HTR1F: variants seen among roughly 807,000 people sequenced by gnomAD.
The protein encoded by HTR1F is 5-hydroxytryptamine receptor 1F.
In HTR1F, 17 loss-of-function variants were observed where a neutral mutation model predicts 24.0. The ratio of observed to expected loss-of-function variants is 0.71; its 90% CI spans 0.48 to 1.06. HTR1F has a LOEUF of 1.06. HTR1F is among the 50% of genes least tolerant of loss of function. The probability of loss-of-function intolerance (pLI) is 0.00; values close to 1 mark genes in which losing one functional copy is unlikely to be tolerated. For synonymous variants in HTR1F, 186 were observed against 156.8 expected, an observed-to-expected ratio of 1.19 and a Z score of -1.39; for missense variants, 391 against 427.8, an observed-to-expected ratio of 0.91 and a Z score of 0.76.
chr3:87,929,357 G>A (rs994372894), intron 2 of HTR1F, among the ~76,000 whole-genome samples: 2 of 152,122 alleles, frequency 1.3e-5, no homozygotes, highest in Non-Finnish European at 2.9e-5. Context: ...ACCATACAAC[G>A]TATATGGCAA....
At chr3:87,958,777 C>T (rs1704999672) in intron 2 of HTR1F, among the ~76,000 whole-genome samples, 1 of 151,612 alleles carries the variant, frequency 6.6e-6, no homozygotes, top group Non-Finnish European at 1.5e-5. Flanking sequence ...ATCTCTCTTG[C>T]CAATCTGATT....
chr3:87,978,890 G>T (rs796190723), intron 2 of HTR1F, among the ~76,000 whole-genome samples: 27 of 46,164 alleles, frequency 5.8e-4, no homozygotes, highest in Admixed American at 1.4e-3. Context: ...GGGAGGGAGG[G>T]AGGAAGGAAG....
intron 1 of HTR1F, among the ~76,000 whole-genome samples, chr3:87,818,952 T>C (rs1704302469): frequency 6.6e-6 from 1 of 152,164 alleles, no homozygotes; most frequent in African/African-American, 2.4e-5. Context: ...AATAAACATA[T>C]ATTGCATACC....
intron 1 of HTR1F, among the ~76,000 whole-genome samples, chr3:87,794,105 G>A (rs1307865122): frequency 6.6e-6 from 1 of 152,062 alleles, no homozygotes; most frequent in African/African-American, 2.4e-5. Context: ...TAAGTTTGGT[G>A]TGCCCCATTT....
chr3:87,919,611 T>A (rs1175822372), intron 2 of HTR1F, among the ~76,000 whole-genome samples: 1 of 151,866 alleles, frequency 6.6e-6, no homozygotes, highest in African/African-American at 2.4e-5. Context: ...AACAAACATA[T>A]GAAAAAATGT....
intron 1 of HTR1F, among the ~76,000 whole-genome samples, chr3:87,793,855 T>G (rs1261924678): frequency 6.6e-6 from 1 of 151,966 alleles, no homozygotes; most frequent in African/African-American, 2.4e-5. Context: ...TTAAGATGAT[T>G]TGTTAGGTGA....
intron 2 of HTR1F, among the ~76,000 whole-genome samples, chr3:87,829,503 C>T (rs1361857566): frequency 2.0e-5 from 3 of 152,194 alleles, no homozygotes; most frequent in Non-Finnish European, 2.9e-5. Context: ...AGAAGGCAGT[C>T]GAACCACTAA....
chr3:87,899,388 T>C (rs1559623579), intron 2 of HTR1F, among the ~76,000 whole-genome samples: 1 of 152,216 alleles, frequency 6.6e-6, no homozygotes, highest in Non-Finnish European at 1.5e-5. Context: ...TCCTGGTAGC[T>C]AGTTTGTTCA....
chr3:87,876,407 T>C (rs573534716), intron 2 of HTR1F, among the ~76,000 whole-genome samples: 1 of 152,316 alleles, frequency 6.6e-6, no homozygotes, highest in African/African-American at 2.4e-5. Flanking sequence ...AAATGTGGTA[T>C]ATTCATACAA....
chr3:87,984,044 G>A (rs1428998815), intron 2 of HTR1F, among the ~76,000 whole-genome samples: 1 of 152,122 alleles, frequency 6.6e-6, no homozygotes, highest in East Asian at 1.9e-4. Context: ...AGCCTCCTTT[G>A]TCTTCCTCAG....
intron 2 of HTR1F, among the ~76,000 whole-genome samples, chr3:87,914,480 G>A (rs1381664474): frequency 6.6e-6 from 1 of 152,040 alleles, no homozygotes; most frequent in African/African-American, 2.4e-5. Context: ...ACACGGCCCA[G>A]AAACACACAG....
At chr3:87,871,532 G>A (rs1305515905) in intron 2 of HTR1F, among the ~76,000 whole-genome samples, 1 of 152,064 alleles carries the variant, frequency 6.6e-6, no homozygotes, top group Non-Finnish European at 1.5e-5. Flanking sequence ...ATCTGAGGAA[G>A]AAAATGGACA....
chr3:87,954,140 G>A (rs1485078621), intron 2 of HTR1F, among the ~76,000 whole-genome samples: 2 of 151,710 alleles, frequency 1.3e-5, no homozygotes, highest in Non-Finnish European at 3.0e-5. Flanking sequence ...ATAGCACAGT[G>A]AGATGACTAT....
At chr3:87,861,081 C>A (rs201763372) in intron 2 of HTR1F, among the ~76,000 whole-genome samples, 1 of 152,092 alleles carries the variant, frequency 6.6e-6, no homozygotes, top group African/African-American at 2.4e-5. Context: ...TGCTTGAACC[C>A]GAGAAGCAGA....
chr3:87,979,439 CG>C (rs1465960165), intron 2 of HTR1F, among the ~76,000 whole-genome samples: 2 of 152,064 alleles, frequency 1.3e-5, no homozygotes, highest in African/African-American at 2.4e-5. Context: ...TCTAGTTGGC[CG>C]ACAGAGACCC....
intron 2 of HTR1F, among the ~76,000 whole-genome samples, chr3:87,917,578 T>C (rs1373407015): frequency 6.6e-6 from 1 of 151,806 alleles, no homozygotes; most frequent in Admixed American, 6.6e-5. Flanking sequence ...AAGGCTACAA[T>C]GAACAACTTT....
At chr3:87,835,230 G>A (rs1393024375) in intron 2 of HTR1F, among the ~76,000 whole-genome samples, 2 of 152,118 alleles carry the variant, frequency 1.3e-5, no homozygotes, top group East Asian at 3.9e-4. Context: ...GGGGCTCAAG[G>A]CAAAAGGAAA....
chr3:87,887,419 G>C (rs1304682133), intron 2 of HTR1F, among the ~76,000 whole-genome samples: 1 of 152,070 alleles, frequency 6.6e-6, no homozygotes, highest in Non-Finnish European at 1.5e-5. Flanking sequence ...GCATGGGCAA[G>C]GACTTCATGA....
chr3:87,988,403 T>G (rs1239022103), intron 2 of HTR1F, among the ~76,000 whole-genome samples: 2 of 152,110 alleles, frequency 1.3e-5, no homozygotes, highest in Non-Finnish European at 2.9e-5. Context: ...GTATTCAAAT[T>G]TCTTCTGCCA....
Sources: gnomAD v4.1 joint callset for allele counts (sites outside exome capture counted in the v4.1 genomes callset) on GRCh38, gnomAD v4.1.1 for gene constraint, MANE v1.5 for transcripts, NCBI Gene and HGNC (gene_info 2026-07-23, HGNC 2026-07-21) for gene names.